The following COL5A2 variants were observed in gnomAD, a reference collection of about 807,000 sequenced individuals.
COL5A2 encodes the protein collagen type V alpha 2 chain, also known as collagen alpha-2(V) chain.
A neutral mutation model predicts 208.2 loss-of-function variants in COL5A2; 23 were observed. The ratio of observed to expected loss-of-function variants is 0.11; its 90% confidence interval spans 0.08 to 0.16. The LOEUF (loss-of-function observed/expected upper bound fraction) is 0.16. COL5A2 is among the 10% of genes least tolerant of loss of function. The probability of loss-of-function intolerance (pLI) is 1.00; values close to 1 mark genes in which losing one functional copy is unlikely to be tolerated. For synonymous variants in COL5A2, 625 were observed against 628.5 expected, an observed-to-expected ratio of 0.99 and a Z score of 0.08; for missense variants, 1,590 against 1,956.4, an observed-to-expected ratio of 0.81 and a Z score of 3.53.
intron 1 of COL5A2, among the ~76,000 whole-genome samples, chr2:189,155,873 G>A (rs1234318141): frequency 6.6e-6 from 1 of 152,032 alleles, no homozygotes; most frequent in African/African-American, 2.4e-5. Flanking sequence ...GCCCCAGAAG[G>A]AAATCCATTT....
At chr2:189,108,265 T>A (rs536992630) in intron 2 of COL5A2, among the ~76,000 whole-genome samples, 1 of 151,986 alleles carries the variant, frequency 6.6e-6, no homozygotes, top group Non-Finnish European at 1.5e-5. Flanking sequence ...AATTAACTCT[T>A]GGTTGCCTTG....
chr2:189,105,454 G>C (rs780840396), intron 2 of COL5A2, among the ~76,000 whole-genome samples: 2 of 151,408 alleles, frequency 1.3e-5, no homozygotes, highest in South Asian at 2.1e-4. Flanking sequence ...ATTTTATTAT[G>C]AGAAAATTTG....
intron 4 of COL5A2, 149 bp from the exon 5 acceptor site, chr2:189,098,908 TA>T: frequency 1.6e-6 from 1 of 637,414 alleles, no homozygotes; most frequent in Non-Finnish European, 2.9e-6. Flanking sequence ...CTCCTCTCCT[TA>T]AGATTTAAGA....
At chr2:189,320,683 C>T in the COL5A2 span, among the ~76,000 whole-genome samples, 123 of 152,304 alleles carry the variant, frequency 8.1e-4, no homozygotes, top group Middle Eastern at 3.4e-3. Context: ...ACCAAATCTA[C>T]GTCTGATTGG....
the COL5A2 span, among the ~76,000 whole-genome samples, chr2:189,391,645 T>A: frequency 1.1e-3 from 170 of 152,264 alleles, no homozygotes; most frequent in African/African-American, 3.7e-3. Flanking sequence ...TCCACCAGAT[T>A]TCTCCTTCTA....
chr2:189,359,242 ACTT>A, the COL5A2 span, among the ~76,000 whole-genome samples: 4 of 152,012 alleles, frequency 2.6e-5, no homozygotes, highest in African/African-American at 4.8e-5. Context: ...GTTGAGGTAT[ACTT>A]CTTCTATATC....
At chr2:189,340,578 G>A in the COL5A2 span, among the ~76,000 whole-genome samples, 2 of 152,120 alleles carry the variant, frequency 1.3e-5, no homozygotes, top group African/African-American at 4.8e-5. Context: ...GTCTACATAA[G>A]GGCACATAAA....
At chr2:189,195,621 A>T (rs1688990479) in intron 1 of COL5A2, among the ~76,000 whole-genome samples, 1 of 152,172 alleles carries the variant, frequency 6.6e-6, no homozygotes, top group Non-Finnish European at 1.5e-5. Context: ...ACAGACATAT[A>T]GACCAATGGA....
At chr2:189,308,775 G>A in the COL5A2 span, among the ~76,000 whole-genome samples, 1 of 152,128 alleles carries the variant, frequency 6.6e-6, no homozygotes, top group Non-Finnish European at 1.5e-5. Context: ...CCTTCAGAGA[G>A]AGGGCTTCAA....
At chr2:189,226,924 G>T (rs573032830), upstream of COL5A2, among the ~76,000 whole-genome samples, 57 of 152,278 alleles carry the variant, frequency 3.7e-4, no homozygotes, top group Admixed American at 1.4e-3. Context: ...AGGATGGTCT[G>T]ACAGCAGGTC....
rs959405621 is a variant in COL5A2 at position 189,093,397 on chromosome 2, G to A, written c.457-977C>T. Among the ~76,000 whole-genome samples, 7 of 152,236 alleles carry A rather than the reference G, an allele frequency of 4.6e-5. 1 individual carries two copies. The highest frequency in any genetic ancestry group is 6.5e-5 in the Admixed American group (1 of 15,296). On this transcript the variant is annotated intron_variant, in intron 6 of 53. Coordinates refer to ENST00000374866, the MANE Select transcript of COL5A2 (RefSeq NM_000393.5). ...TAATAGTTAAAAAAAGAACTCCCAT[G>A]CTTAAACATGAGAATACCTATGGGA...
chr2:189,034,263 C>T (rs1168960992), intron 53 of COL5A2, 47 bp from the exon 54 acceptor site: 4 of 1,608,250 alleles, frequency 2.5e-6, no homozygotes, highest in East Asian at 2.2e-5. Flanking sequence ...CAATTTTTTC[C>T]AAGTATGTTA....
At chr2:189,141,605 G>A (rs1309137191) in intron 1 of COL5A2, among the ~76,000 whole-genome samples, 1 of 152,116 alleles carries the variant, frequency 6.6e-6, no homozygotes, top group Non-Finnish European at 1.5e-5. Flanking sequence ...ATAGTCACAT[G>A]GGTCACGTAG....
chr2:189,065,080 T>C, intron 23 of COL5A2, 23 bp from the exon 24 acceptor site: 1 of 1,610,688 alleles, frequency 6.2e-7, no homozygotes, highest in Non-Finnish European at 8.5e-7. Context: ...AAAATGTGAT[T>C]CTTAATTGTT....
At chr2:189,372,074 C>T in the COL5A2 span, among the ~76,000 whole-genome samples, 2 of 152,186 alleles carry the variant, frequency 1.3e-5, no homozygotes, top group Non-Finnish European at 2.9e-5. Flanking sequence ...AGACACTGCT[C>T]CCCACATCCC....
chr2:189,093,873 G>T (rs1686843714), intron 6 of COL5A2, among the ~76,000 whole-genome samples: 1 of 152,146 alleles, frequency 6.6e-6, no homozygotes, highest in South Asian at 2.1e-4. Context: ...TAATAGTCTG[G>T]TTTATTCATA....
intron 1 of COL5A2, among the ~76,000 whole-genome samples, chr2:189,132,494 T>A (rs550264954): frequency 6.6e-6 from 1 of 152,344 alleles, no homozygotes; most frequent in South Asian, 2.1e-4. Flanking sequence ...AAGTCAAGTA[T>A]CTTTAATATC....
chr2:189,300,049 T>C, the COL5A2 span, among the ~76,000 whole-genome samples: 2 of 152,178 alleles, frequency 1.3e-5, no homozygotes, highest in African/African-American at 4.8e-5. Context: ...TTCCATAGTA[T>C]GCATCAATCT....
chr2:189,233,735 C>G, the COL5A2 span, among the ~76,000 whole-genome samples: 1 of 151,662 alleles, frequency 6.6e-6, no homozygotes, highest in Non-Finnish European at 1.5e-5. Context: ...AACTGTACCT[C>G]AAATTTTAAA....
Sources: gnomAD v4.1 joint callset for allele counts (sites outside exome capture counted in the v4.1 genomes callset) on GRCh38, gnomAD v4.1.1 for gene constraint, MANE v1.5 for transcripts, NCBI Gene and HGNC (gene_info 2026-07-23, HGNC 2026-07-21) for gene names.